Variants in SLX1B observed in about 807,000 individuals in gnomAD.
SLX1B encodes structure-specific endonuclease subunit SLX1B, also known as structure-specific endonuclease subunit SLX1.
At position 29,458,162 on chromosome 16, in the gene SLX1B, GC is replaced by G; in HGVS notation, c.*40del. On this transcript the variant is annotated 3_prime_UTR_variant, in exon 6 of 6. Coordinates refer to ENST00000330181, the MANE Select transcript of SLX1B (RefSeq NM_024044.4). ...TTACCCCCTCCTACCTCTTTTCTGT[GC>G]CACCTGCTGTGGGTCCAGCAGGTTT... 1 of 553,156 alleles carries G rather than the reference GC, an allele frequency of 1.8e-6. No individual in the cohort carries two copies. Among genetic ancestry groups the G allele is most frequent in the Non-Finnish European group, 3.0e-6 (1 of 334,288 alleles). The allele number at this position is 553,156 out of a possible 1,614,324, so 34.3% of individuals were successfully genotyped here.
chr16:29,457,973 GA>G lies in SLX1B; in HGVS notation c.757del (p.Met253TrpfsTer7). 8.0e-7 allele frequency: 1 copy of G among 1,242,562 alleles called. No individual in the cohort carries two copies. The highest frequency in any genetic ancestry group is 1.1e-6 in the Non-Finnish European group (1 of 898,650). The allele number at this position is 1,242,562 out of a possible 1,614,324, so 77.0% of individuals were successfully genotyped here. ...LWGDLIWLCQ[M>X]DTEKEVEDSE... ...GGGGAGACCTGATCTGGCTGTGCCA[GA>G]TGGACACTGAGAAAGAAGTAGAAGA... On this transcript the variant is annotated frameshift_variant, in exon 5 of 6. Coordinates refer to ENST00000330181, the MANE Select transcript of SLX1B (RefSeq NM_024044.4). LOFTEE classifies it high-confidence loss of function.
At position 29,457,896 on chromosome 16, in the gene SLX1B, C is replaced by CT; in HGVS notation, c.711-31dup. 1.4e-6 allele frequency: 2 copies of CT among 1,446,946 alleles called. 1 individual carries two copies. Among genetic ancestry groups the CT allele is most frequent in the Non-Finnish European group, 1.9e-6 (2 of 1,071,322 alleles). The allele number at this position is 1,446,946 out of a possible 1,614,324, so 89.6% of individuals were successfully genotyped here. On this transcript the variant is annotated intron_variant, in intron 4 of 5. Coordinates refer to ENST00000330181, the MANE Select transcript of SLX1B (RefSeq NM_024044.4). ...TGGAGGGGGCTTGTGGCATCTGACT[C>CT]TGTATCTCCTACCTGCCCCTCTCCT...
At chr16:29,457,406 CTCAA>C (rs1964806979) in intron 3 of SLX1B, 1 of 147,944 alleles carries the variant, frequency 6.8e-6, no homozygotes, top group South Asian at 4.6e-5. Flanking sequence ...GAGGCTGTGA[CTCAA>C]TCAATCACTG....
In SLX1B at chr16:29,457,924, GT is replaced by G. The variant is rs767533974; in HGVS notation, c.711-3del. 36 of 1,047,050 alleles carry G rather than the reference GT, an allele frequency of 3.4e-5. 1 individual carries two copies. In the South Asian group the frequency reaches 5.6e-4, roughly 16 times the overall value. 64.9% of individuals were successfully genotyped at this position (1,047,050 alleles called of 1,614,324 possible). A position where few individuals can be genotyped will look rare whatever the true frequency, so the allele number is the denominator to read the frequency against. ...TATCTCCTACCTGCCCCTCTCCTTG[GT>G]AGCTGTGAGAAGTCACTGCTTTGGG... On this transcript the variant is annotated splice_polypyrimidine_tract_variant and splice_region_variant and intron_variant, in intron 4 of 5. Transcript: ENST00000330181.
At chr16:29,457,407 TC>T in intron 3 of SLX1B, 1 of 149,746 alleles carries the variant, frequency 6.7e-6, no homozygotes, top group Non-Finnish European at 1.1e-5. Context: ...AGGCTGTGAC[TC>T]AATCAATCAC....
chr16:29,457,988 AG>A lies in SLX1B; in HGVS notation c.772del (p.Glu258LysfsTer2). The A allele has an allele frequency of 4.9e-6, 6 of 1,215,982 alleles. No individual in the cohort carries two copies. The highest frequency in any genetic ancestry group is 1.4e-5 in the South Asian group (1 of 71,640). 75.3% of individuals were successfully genotyped at this position (1,215,982 alleles called of 1,614,324 possible). On this transcript the variant is annotated frameshift_variant, in exon 5 of 6. Coordinates refer to ENST00000330181, the MANE Select transcript of SLX1B (RefSeq NM_024044.4). LOFTEE classifies it high-confidence loss of function. Reference sequence around the variant, plus strand: ...GGCTGTGCCAGATGGACACTGAGAAAGAAGTAGAAGACTCAGAATTAGAAGA... The same window carrying A: ...GGCTGTGCCAGATGGACACTGAGAAAAAGTAGAAGACTCAGAATTAGAAGA... ...IWLCQMDTEK[E>X]VEDSELEEAH...
intron 3 of SLX1B, 30 bp from the exon 4 acceptor site, chr16:29,457,599 CCTT>C: frequency 1.4e-6 from 1 of 711,964 alleles, no homozygotes; most frequent in Non-Finnish European, 2.1e-6. Context: ...GCCTCTCCCT[CCTT>C]GTCTCTTACC....
chr16:29,457,770 TC>T lies in SLX1B; in HGVS notation c.710+15del. 3 of 1,313,148 alleles carry T rather than the reference TC, an allele frequency of 2.3e-6. 1 individual carries two copies. The highest frequency in any genetic ancestry group is 3.0e-6 in the Non-Finnish European group (3 of 1,002,244). The allele number at this position is 1,313,148 out of a possible 1,614,324, so 81.3% of individuals were successfully genotyped here. A position where few individuals can be genotyped will look rare whatever the true frequency, so the allele number is the denominator to read the frequency against. Reference sequence around the variant, plus strand: ...GGGCCAATGCCCTTGGTGAGTGCAGTCCCCTGGCCCCAGCCTGGTCCACCTC... The same window carrying T: ...GGGCCAATGCCCTTGGTGAGTGCAGTCCCTGGCCCCAGCCTGGTCCACCTC... On this transcript the variant is annotated intron_variant, in intron 4 of 5. Coordinates refer to ENST00000330181, the MANE Select transcript of SLX1B (RefSeq NM_024044.4).
chr16:29,457,713 CAG>C lies in SLX1B; in HGVS notation c.665_666del (p.Gln222ArgfsTer17). ...GATCTGCCTGGCAGAGGAGTTTCTT[CAG>C]GAAGAACCAGGGCAGCTTCTGCCCC... ...HVICLAEEFL[Q>X]EEPGQLLPLE... On this transcript the variant is annotated frameshift_variant, in exon 4 of 6. Transcript: ENST00000330181. LOFTEE classifies it high-confidence loss of function. The C allele has an allele frequency of 8.6e-7, 1 of 1,158,776 alleles. No homozygotes were observed. The highest frequency in any genetic ancestry group is 1.7e-5 in the South Asian group (1 of 57,914). The allele number at this position is 1,158,776 out of a possible 1,614,324, so 71.8% of individuals were successfully genotyped here.
In SLX1B at chr16:29,458,083, T is replaced by A; in HGVS notation, c.799-12T>A. 1 of 852,526 alleles carries A rather than the reference T, an allele frequency of 1.2e-6. No individual in the cohort carries two copies. The highest frequency in any genetic ancestry group is 2.8e-5 in the Admixed American group (1 of 36,242). The allele number at this position is 852,526 out of a possible 1,614,324, so 52.8% of individuals were successfully genotyped here. ...CCTGGGCTGCCTGTGACCACACTGC[T>A]TGCCTCTGCAGGCACACTGGACAGA... On this transcript the variant is annotated splice_polypyrimidine_tract_variant and intron_variant, in intron 5 of 5. Coordinates refer to ENST00000330181, the MANE Select transcript of SLX1B (RefSeq NM_024044.4).
At chr16:29,457,606 TCTTAC>T in intron 3 of SLX1B, 21 bp from the exon 4 acceptor site, 2 of 772,050 alleles carry the variant, frequency 2.6e-6, no homozygotes, top group Non-Finnish European at 3.7e-6. Context: ...CCTCCTTGTC[TCTTAC>T]CTGCCTGCTG....
Position 29,457,975 on chromosome 16 carries a change from T to TCA in SLX1B, c.758_759insCA (p.Met253IlefsTer8). ...GGAGACCTGATCTGGCTGTGCCAGATGGACACTGAGAAAGAAGTAGAAGAC... is the reference window on the plus strand; with the variant it reads ...GGAGACCTGATCTGGCTGTGCCAGATCAGGACACTGAGAAAGAAGTAGAAGAC... On this transcript the variant is annotated frameshift_variant, in exon 5 of 6. Coordinates refer to ENST00000330181, the MANE Select transcript of SLX1B (RefSeq NM_024044.4). LOFTEE classifies it high-confidence loss of function. 8.0e-7 allele frequency: 1 copy of TCA among 1,246,986 alleles called. No individual in the cohort carries two copies. Among genetic ancestry groups the TCA allele is most frequent in the Non-Finnish European group, 1.1e-6 (1 of 902,636 alleles). The allele number at this position is 1,246,986 out of a possible 1,614,324, so 77.2% of individuals were successfully genotyped here.
At position 29,457,985 on chromosome 16, in the gene SLX1B, GA is replaced by G. The variant is rs752750425; in HGVS notation, c.771del (p.Glu258LysfsTer2). On this transcript the variant is annotated frameshift_variant, in exon 5 of 6. Coordinates refer to ENST00000330181, the MANE Select transcript of SLX1B (RefSeq NM_024044.4). LOFTEE classifies it high-confidence loss of function. ...LIWLCQMDTEKEVEDSELEEA... is the reference protein window; with the variant it reads ...LIWLCQMDTEXEVEDSELEEA... ...TCTGGCTGTGCCAGATGGACACTGA[GA>G]AAGAAGTAGAAGACTCAGAATTAGA... 6.5e-6 allele frequency: 8 copies of G among 1,221,450 alleles called. 1 individual carries two copies. Among genetic ancestry groups the G allele is most frequent in the Non-Finnish European group, 9.0e-6 (8 of 886,834 alleles). 75.7% of individuals were successfully genotyped at this position (1,221,450 alleles called of 1,614,324 possible).
intron 3 of SLX1B, chr16:29,456,955 A>AT (rs370863649): frequency 0.5 from 1 of 2 alleles, no homozygotes; most frequent in Non-Finnish European, 0.5. Flanking sequence ...TTATTTATTT[A>AT]TTTTTTTTTT....
Position 29,457,633 on chromosome 16 carries a change from AT to A in SLX1B, c.585del (p.Asp195GlufsTer15). Reference protein sequence around the residue: ...CCSLCAQTIQDEEGPLCCPHP... With the variant: ...CCSLCAQTIQXEEGPLCCPHP... ...TTACCTGCCTGCTGCCTGGGTCAGG[AT>A]GAAGAGGGGCCCTTGTGTTGCCCCC... On this transcript the variant is annotated frameshift_variant and splice_region_variant, in exon 4 of 6. Coordinates refer to ENST00000330181, the MANE Select transcript of SLX1B (RefSeq NM_024044.4). LOFTEE classifies it high-confidence loss of function. The A allele has an allele frequency of 2.1e-6, 2 of 935,558 alleles. No homozygotes were observed. The highest frequency in any genetic ancestry group is 3.0e-6 in the Non-Finnish European group (2 of 677,086). The allele number at this position is 935,558 out of a possible 1,614,324, so 58.0% of individuals were successfully genotyped here. A position where few individuals can be genotyped will look rare whatever the true frequency, so the allele number is the denominator to read the frequency against.
rs1211789093 is a variant in SLX1B at position 29,457,590 on chromosome 16, CCT to C, written c.583-38_583-37del. On this transcript the variant is annotated intron_variant, in intron 3 of 5. Coordinates refer to ENST00000330181, the MANE Select transcript of SLX1B (RefSeq NM_024044.4). ...TGCATAGAGGGGTTGCTGCCAGCTG[CCT>C]CTCCCTCCTTGTCTCTTACCTGCCT... 5 of 635,922 alleles carry C rather than the reference CCT, an allele frequency of 7.9e-6. No homozygotes were observed. The African/African-American group carries it at 9.9e-5, about 13-fold the overall frequency. 39.4% of individuals were successfully genotyped at this position (635,922 alleles called of 1,614,324 possible). A position where few individuals can be genotyped will look rare whatever the true frequency, so the allele number is the denominator to read the frequency against.
chr16:29,457,496 G>C, intron 3 of SLX1B, 136 bp from the exon 4 acceptor site: 1 of 337,856 alleles, frequency 3.0e-6, no homozygotes, highest in Non-Finnish European at 4.9e-6. Flanking sequence ...TTCTTCATTT[G>C]TAAGATGCAA....
At chr16:29,457,509 AAC>A in intron 3 of SLX1B, 121 bp from the exon 4 acceptor site, 2 of 366,986 alleles carry the variant, frequency 5.4e-6, no homozygotes, top group South Asian at 5.7e-5. Context: ...AGATGCAAAT[AAC>A]AGTCACCCCT....
At chr16:29,457,489 TTCA>T (rs1219780484) in intron 3 of SLX1B, 140 bp from the exon 4 acceptor site, 7 of 322,214 alleles carry the variant, frequency 2.2e-5, no homozygotes, top group Admixed American at 2.1e-4. Flanking sequence ...CCTCAGTTTC[TTCA>T]TTTGTAAGAT....
Sources: allele counts gnomAD v4.1 joint callset, GRCh38; gene constraint gnomAD v4.1.1; transcripts MANE v1.5; gene names NCBI Gene and HGNC (gene_info 2026-07-23, HGNC 2026-07-21).